The following ACER1 variants were observed in gnomAD, a reference collection of about 807,000 sequenced individuals.
ACER1 encodes the protein CTB-180A7.3.
Under a neutral mutation model 24.9 loss-of-function variants are expected in ACER1, and 28 were observed. The ratio of observed to expected loss-of-function variants is 1.13; its 90% CI spans 0.83 to 1.54. The LOEUF (loss-of-function observed/expected upper bound fraction) is 1.54, where lower values mean the gene tolerates loss of function less well. Ranked by LOEUF, ACER1 falls within the 40% of genes most tolerant of loss-of-function variation. ACER1 has a pLI of 0.00. For missense variants in ACER1, 352 were observed against 349.3 expected (o/e 1.01, Z -0.06); for synonymous variants, 132 against 131.4 (o/e 1.00, Z -0.03).
intron 3 of ACER1, among the ~76,000 whole-genome samples, chr19:6,310,863 G>A (rs899692974): frequency 1.4e-5 from 2 of 144,228 alleles, no homozygotes; most frequent in Admixed American, 1.4e-4. Context: ...GGGGGACACA[G>A]CGAGACTTCA....
intron 1 of ACER1, among the ~76,000 whole-genome samples, chr19:6,322,211 A>T (rs2091634310): frequency 6.6e-6 from 1 of 152,140 alleles, no homozygotes. Context: ...TTTATATACA[A>T]ATTCATCCCT....
upstream of ACER1, among the ~76,000 whole-genome samples, chr19:6,338,101 A>C (rs902336168): frequency 6.8e-6 from 1 of 148,132 alleles, no homozygotes; most frequent in African/African-American, 2.7e-5. Flanking sequence ...TAGTTAATTA[A>C]ATAAAATAAA....
At chr19:6,311,016 A>G (rs1416651304) in intron 3 of ACER1, among the ~76,000 whole-genome samples, 1 of 151,814 alleles carries the variant, frequency 6.6e-6, no homozygotes, top group Non-Finnish European at 1.5e-5. Context: ...ACTCAGTAGG[A>G]TGAGAAGAGG....
intron 1 of ACER1, among the ~76,000 whole-genome samples, chr19:6,318,137 C>T (rs550694109): frequency 7.9e-5 from 12 of 151,376 alleles, no homozygotes; most frequent in Middle Eastern, 3.4e-3. Context: ...CTGGCTAACA[C>T]GGTGAAACCC....
intron 1 of ACER1, among the ~76,000 whole-genome samples, chr19:6,317,716 TTTG>T (rs1488022189): frequency 6.6e-6 from 1 of 152,238 alleles, no homozygotes; most frequent in African/African-American, 2.4e-5. Context: ...TCCAACTTTT[TTTG>T]TTGTTGTTTT....
intron 1 of ACER1, among the ~76,000 whole-genome samples, chr19:6,314,280 G>A (rs183016884): frequency 2.1e-4 from 32 of 151,634 alleles, no homozygotes; most frequent in Admixed American, 7.9e-4. Context: ...AACCAGCCAG[G>A]GCAACATGGT....
the ACER1 span, among the ~76,000 whole-genome samples, chr19:6,356,534 A>G: frequency 1.3e-5 from 2 of 152,154 alleles, no homozygotes; most frequent in Middle Eastern, 3.2e-3. Flanking sequence ...TACCCAGTTT[A>G]AGATACAGAT....
intron 1 of ACER1, among the ~76,000 whole-genome samples, chr19:6,325,781 G>T (rs895856861): frequency 1.3e-5 from 2 of 152,042 alleles, no homozygotes; most frequent in African/African-American, 4.8e-5. Flanking sequence ...GACTGCTGGA[G>T]CCCAGGAGTT....
chr19:6,312,637 A>C (rs1371206057), intron 1 of ACER1, 138 bp from the exon 2 acceptor site: 4 of 639,440 alleles, frequency 6.3e-6, no homozygotes, highest in Non-Finnish European at 1.1e-5. Context: ...GGATTTGTCA[A>C]TCACTCACCT....
At chr19:6,320,804 G>A (rs754249934) in intron 1 of ACER1, among the ~76,000 whole-genome samples, 18 of 152,196 alleles carry the variant, frequency 1.2e-4, no homozygotes, top group South Asian at 6.2e-4. Context: ...AAAATGGGGA[G>A]CATAATTGTA....
At chr19:6,343,516 G>A in the ACER1 span, among the ~76,000 whole-genome samples, 2 of 152,008 alleles carry the variant, frequency 1.3e-5, no homozygotes, top group Admixed American at 6.6e-5. Context: ...CACAAAATGT[G>A]GGCTTCCTCC....
intron 3 of ACER1, among the ~76,000 whole-genome samples, chr19:6,310,729 A>G (rs2091575360): frequency 6.6e-6 from 1 of 151,536 alleles, no homozygotes; most frequent in African/African-American, 2.4e-5. Context: ...AAATACAAAA[A>G]ACTAGCTGGA....
At chr19:6,313,697 G>A (rs1486821771) in intron 1 of ACER1, among the ~76,000 whole-genome samples, 3 of 152,238 alleles carry the variant, frequency 2.0e-5, no homozygotes, top group African/African-American at 4.8e-5. Context: ...AAGGAAAGAC[G>A]ATGCAGTACC....
At chr19:6,347,212 T>C in the ACER1 span, among the ~76,000 whole-genome samples, 1 of 144,584 alleles carries the variant, frequency 6.9e-6, no homozygotes, top group African/African-American at 2.6e-5. Flanking sequence ...CTTTTTCTTT[T>C]CTTTTCTTTT....
chr19:6,352,384 T>A, the ACER1 span, among the ~76,000 whole-genome samples: 1 of 152,126 alleles, frequency 6.6e-6, no homozygotes, highest in Non-Finnish European at 1.5e-5. Flanking sequence ...AAGACCACCA[T>A]ACCATGAGGG....
upstream of ACER1, among the ~76,000 whole-genome samples, chr19:6,337,613 C>G (rs1366558285): frequency 6.8e-6 from 1 of 146,362 alleles, no homozygotes; most frequent in African/African-American, 2.5e-5. Context: ...ACCACCCTGC[C>G]TGGCCAAAGT....
chr19:6,342,651 G>A, the ACER1 span, among the ~76,000 whole-genome samples: 1 of 151,696 alleles, frequency 6.6e-6, no homozygotes, highest in Non-Finnish European at 1.5e-5. Context: ...CCCAGGAGGT[G>A]GAGCTTGCAG....
rs536577174 is a variant in ACER1, at chr19:6,308,936, C to T, written c.488+761G>A. 1.3e-3 allele frequency among the ~76,000 whole-genome samples: 193 copies of T among 152,080 alleles called. 2 individuals carry two copies. Among genetic ancestry groups the T allele is most frequent in the Admixed American group, 8.5e-4 (13 of 15,248 alleles). Reference sequence around the variant, plus strand: ...AAACTCTGCTGGGCACAGTGGCTCACGCCTGTAATCTCAACACTTTGGGAG... The same window carrying T: ...AAACTCTGCTGGGCACAGTGGCTCATGCCTGTAATCTCAACACTTTGGGAG... On this transcript the variant is annotated intron_variant, in intron 4 of 5. Coordinates refer to ENST00000301452, the MANE Select transcript of ACER1 (RefSeq NM_133492.3).
chr19:6,310,891 A>G (rs75939381), intron 3 of ACER1, among the ~76,000 whole-genome samples: 41 of 151,634 alleles, frequency 2.7e-4, no homozygotes, highest in Admixed American at 1.1e-3. Flanking sequence ...AAAAAAAAAA[A>G]AAGAAGAAGG....
Sources: gnomAD v4.1 joint callset for allele counts (sites outside exome capture counted in the v4.1 genomes callset) on GRCh38, gnomAD v4.1.1 for gene constraint, MANE v1.5 for transcripts, NCBI Gene and HGNC (gene_info 2026-07-23, HGNC 2026-07-21) for gene names.